TMEM117: variants seen among roughly 807,000 people sequenced by gnomAD.
TMEM117 encodes transmembrane protein 117.
In TMEM117, 27 loss-of-function variants were observed where a neutral mutation model predicts 52.4. The ratio of observed to expected loss-of-function variants is 0.51; its 90% CI spans 0.38 to 0.71. TMEM117 has a LOEUF of 0.71. Ranked by LOEUF, TMEM117 falls within the 30% of genes least tolerant of loss-of-function variation. TMEM117 has a pLI of 0.00. For synonymous variants in TMEM117, 215 were observed against 206.3 expected (o/e 1.04, Z -0.36); for missense variants, 556 against 630.5 (o/e 0.88, Z 1.26).
At chr12:44,172,966 C>G (rs1592579036) in intron 4 of TMEM117, among the ~76,000 whole-genome samples, 1 of 152,312 alleles carries the variant, frequency 6.6e-6, no homozygotes, top group East Asian at 1.9e-4. Context: ...CTCATGTGAT[C>G]CACCCACCTT....
intron 3 of TMEM117, among the ~76,000 whole-genome samples, chr12:44,127,598 C>A (rs908633172): frequency 3.9e-5 from 6 of 151,970 alleles, no homozygotes; most frequent in African/African-American, 1.5e-4. Flanking sequence ...ATTGCTTAAA[C>A]ATGGGAGGCT....
the TMEM117 span, chr12:43,806,078 G>C: frequency 7.9e-6 from 12 of 1,517,710 alleles, no homozygotes; most frequent in Non-Finnish European, 1.1e-5. Flanking sequence ...GGAGCGCGGA[G>C]AGGCGCCGAG....
rs530013456 is a variant in TMEM117 at position 44,245,105 on chromosome 12, T to G, written c.608+33718T>G. ...TGATTATTATAACCTTGTAATATAT[T>G]TTGAAATCAGGTAGTGTGATACCTC... On this transcript the variant is annotated intron_variant, in intron 5 of 7. Transcript: ENST00000266534. 3.0e-4 allele frequency among the ~76,000 whole-genome samples: 45 copies of G among 152,206 alleles called. 1 individual carries two copies. Among genetic ancestry groups the G allele is most frequent in the Admixed American group, 1.8e-3 (27 of 15,274 alleles).
the TMEM117 span, among the ~76,000 whole-genome samples, chr12:43,825,475 T>C: frequency 6.6e-6 from 1 of 152,124 alleles, no homozygotes; most frequent in African/African-American, 2.4e-5. Flanking sequence ...CTCTCCTCAT[T>C]CTCTCTATTC....
At chr12:43,956,518 A>G (rs1222043304) in intron 3 of TMEM117, among the ~76,000 whole-genome samples, 1 of 151,770 alleles carries the variant, frequency 6.6e-6, no homozygotes, top group East Asian at 1.9e-4. Flanking sequence ...AAAAAAAAAA[A>G]AAAGACGTAC....
intron 6 of TMEM117, among the ~76,000 whole-genome samples, chr12:44,308,550 G>T (rs1950932119): frequency 6.6e-6 from 1 of 151,708 alleles, no homozygotes; most frequent in South Asian, 2.1e-4. Context: ...GGTCAGAATT[G>T]TATAGGTGAT....
intron 5 of TMEM117, among the ~76,000 whole-genome samples, chr12:44,269,492 A>AT (rs541872810): frequency 7.0e-4 from 104 of 148,326 alleles, no homozygotes; most frequent in East Asian, 2.2e-3. Flanking sequence ...AATTATTCTT[A>AT]TTTTTTTTTT....
intron 4 of TMEM117, among the ~76,000 whole-genome samples, chr12:44,206,518 G>A (rs1949569308): frequency 6.6e-6 from 1 of 152,150 alleles, no homozygotes; most frequent in Non-Finnish European, 1.5e-5. Context: ...GCACATGGAT[G>A]TTTATTGCAG....
In TMEM117 at chr12:44,012,030, A is replaced by C. The variant is rs1946299679; in HGVS notation, c.410+67688A>C. Among the ~76,000 whole-genome samples the C allele has an allele frequency of 3.3e-5, 5 of 152,226 alleles. No homozygotes were observed. The South Asian group carries it at 1.0e-3, about 31-fold the overall frequency. On this transcript the variant is annotated intron_variant, in intron 3 of 7. Coordinates refer to ENST00000266534, the MANE Select transcript of TMEM117 (RefSeq NM_032256.3). ...ATTTATTTGTAGAATTTTTCATTTA[A>C]TATTTTCAGACCACTGTTGACAGAG... is the stretch of plus-strand genomic sequence containing the variant.
intron 3 of TMEM117, among the ~76,000 whole-genome samples, chr12:44,044,128 A>G (rs563169909): frequency 6.6e-6 from 1 of 152,286 alleles, no homozygotes; most frequent in South Asian, 2.1e-4. Context: ...GGTCCAGAAG[A>G]TATACTGTTG....
chr12:43,922,268 A>C (rs1436471873), intron 2 of TMEM117, among the ~76,000 whole-genome samples: 1 of 152,154 alleles, frequency 6.6e-6, no homozygotes. Context: ...AAGGGATATA[A>C]CATTAGAAAT....
chr12:44,053,755 A>G (rs926613770), intron 3 of TMEM117, among the ~76,000 whole-genome samples: 1 of 152,248 alleles, frequency 6.6e-6, no homozygotes, highest in South Asian at 2.1e-4. Context: ...ACACTGTGCC[A>G]AGAACTCGGG....
Position 44,082,294 on chromosome 12 carries a change from T to C in TMEM117, c.411-61231T>C, listed in dbSNP as rs147981537. ...TTCTTAGTCCAAATTCAACATTTTT[T>C]CTCTACGAATGTATGAAACTTAATT... is the stretch of plus-strand genomic sequence containing the variant. On this transcript the variant is annotated intron_variant, in intron 3 of 7. Coordinates refer to ENST00000266534, the MANE Select transcript of TMEM117 (RefSeq NM_032256.3). Among the ~76,000 whole-genome samples the C allele has an allele frequency of 3.6e-3, 544 of 152,084 alleles. 1 individual carries two copies. The highest frequency in any genetic ancestry group is 6.3e-3 in the Non-Finnish European group (425 of 67,878).
At chr12:44,152,397 ATAT>A (rs1281585622) in intron 4 of TMEM117, among the ~76,000 whole-genome samples, 1 of 113,196 alleles carries the variant, frequency 8.8e-6, no homozygotes, top group Non-Finnish European at 1.6e-5. Flanking sequence ...TTTATATATA[ATAT>A]TTATATCATA....
At chr12:44,269,545 G>GTTTCTCTC (rs2138563400) in intron 5 of TMEM117, among the ~76,000 whole-genome samples, 1 of 151,312 alleles carries the variant, frequency 6.6e-6, no homozygotes, top group Non-Finnish European at 1.5e-5. Context: ...ATGGCTCCAT[G>GTTTCTCTC]TTTCTCTCTA....
intron 4 of TMEM117, among the ~76,000 whole-genome samples, chr12:44,184,548 A>G (rs1949250456): frequency 6.6e-6 from 1 of 152,100 alleles, no homozygotes; most frequent in African/African-American, 2.4e-5. Context: ...TGCCTTGAAG[A>G]TGGTAGAAGG....
At chr12:44,107,291 A>G (rs887923168) in intron 3 of TMEM117, among the ~76,000 whole-genome samples, 1 of 152,162 alleles carries the variant, frequency 6.6e-6, no homozygotes, top group African/African-American at 2.4e-5. Context: ...CAGGGCTCAC[A>G]GTGTTAAAAA....
intron 2 of TMEM117, among the ~76,000 whole-genome samples, chr12:43,894,379 TTTTC>T (rs1944161612): frequency 6.6e-6 from 1 of 152,154 alleles, no homozygotes; most frequent in Non-Finnish European, 1.5e-5. Flanking sequence ...CAGATTTTCT[TTTTC>T]TTTCTTTTTT....
chr12:43,949,560 G>A (rs1945187658), intron 3 of TMEM117, among the ~76,000 whole-genome samples: 1 of 152,226 alleles, frequency 6.6e-6, no homozygotes, highest in Non-Finnish European at 1.5e-5. Flanking sequence ...GAGCCCACTA[G>A]CCCAACTTCT....
Sources: allele counts gnomAD v4.1 joint callset (sites outside exome capture counted in the v4.1 genomes callset), GRCh38; gene constraint gnomAD v4.1.1; transcripts MANE v1.5; gene names NCBI Gene and HGNC (gene_info 2026-07-23, HGNC 2026-07-21).